GRID1: variants seen among roughly 807,000 people sequenced by gnomAD.
GRID1 encodes the protein glutamate ionotropic receptor delta type subunit 1.
In GRID1, 28 loss-of-function variants were observed where a neutral mutation model predicts 98.0. That is an observed-to-expected ratio of 0.29 (90% CI 0.21 to 0.39). The LOEUF is 0.39. Among genes scored for constraint, GRID1 ranks in the 10% least tolerant of loss-of-function variants. The pLI is 1.00. For missense variants in GRID1, 1,111 were observed against 1,340.5 expected (o/e 0.83, Z 2.67); for synonymous variants, 553 against 538.5 (o/e 1.03, Z -0.37).
At chr10:86,001,854 T>C (rs978563584) in intron 4 of GRID1, among the ~76,000 whole-genome samples, 1 of 152,180 alleles carries the variant, frequency 6.6e-6, no homozygotes, top group African/African-American at 2.4e-5. Context: ...GCTAGAAGTC[T>C]GAAGTCAAGG....
chr10:85,662,145 C>G (rs1207484932), intron 12 of GRID1, among the ~76,000 whole-genome samples: 1 of 152,216 alleles, frequency 6.6e-6, no homozygotes, highest in Non-Finnish European at 1.5e-5. Flanking sequence ...AGTCACTCAG[C>G]AGATGTTGCA....
chr10:86,185,617 C>G (rs1397862656), intron 3 of GRID1, among the ~76,000 whole-genome samples: 1 of 152,032 alleles, frequency 6.6e-6, no homozygotes, highest in African/African-American at 2.4e-5. Context: ...TTATAAATTC[C>G]CTTTATGAAG....
chr10:86,199,902 G>A (rs895130041), intron 3 of GRID1, among the ~76,000 whole-genome samples: 1 of 151,972 alleles, frequency 6.6e-6, no homozygotes, highest in African/African-American at 2.4e-5. Flanking sequence ...TCAAATCTCT[G>A]GATGGGGTAT....
chr10:85,771,868 C>G (rs1211265566), intron 8 of GRID1, among the ~76,000 whole-genome samples: 1 of 152,084 alleles, frequency 6.6e-6, no homozygotes, highest in Non-Finnish European at 1.5e-5. Flanking sequence ...CACACAATAA[C>G]AGTGGGAGAC....
chr10:86,233,195 C>T (rs909495441), intron 2 of GRID1, among the ~76,000 whole-genome samples: 3 of 151,978 alleles, frequency 2.0e-5, no homozygotes, highest in Non-Finnish European at 2.9e-5. Context: ...GAGGGAAAGC[C>T]GTCAGCTGCA....
chr10:85,706,340 C>T (rs979771261), intron 12 of GRID1, among the ~76,000 whole-genome samples: 13 of 152,170 alleles, frequency 8.5e-5, no homozygotes, highest in African/African-American at 2.9e-4. Context: ...AGAGCCAAAT[C>T]ATGAGTGAAC....
intron 5 of GRID1, among the ~76,000 whole-genome samples, chr10:85,881,963 G>T (rs1274219468): frequency 6.6e-6 from 1 of 152,098 alleles, no homozygotes; most frequent in South Asian, 2.1e-4. Context: ...AGTGGGCAAA[G>T]GATATGAACA....
chr10:85,663,463 G>A (rs1471029560), intron 12 of GRID1, among the ~76,000 whole-genome samples: 1 of 152,166 alleles, frequency 6.6e-6, no homozygotes, highest in East Asian at 1.9e-4. Flanking sequence ...TTTGATCTTA[G>A]ACTTTCAGCC....
chr10:85,770,185 G>T (rs1364180366), intron 8 of GRID1, among the ~76,000 whole-genome samples: 1 of 152,200 alleles, frequency 6.6e-6, no homozygotes, highest in Non-Finnish European at 1.5e-5. Flanking sequence ...CTGCTGTTCT[G>T]CAGCCACCGC....
chr10:85,676,451 C>T (rs1841146376), intron 12 of GRID1, among the ~76,000 whole-genome samples: 1 of 152,192 alleles, frequency 6.6e-6, no homozygotes, highest in Non-Finnish European at 1.5e-5. Context: ...AGCACGTTTT[C>T]CCTGCCTCAC....
intron 2 of GRID1, among the ~76,000 whole-genome samples, chr10:86,268,026 A>T (rs1847130221): frequency 6.6e-6 from 1 of 152,132 alleles, no homozygotes. Flanking sequence ...ATGCACAGTC[A>T]TCTTACCCGG....
chr10:85,883,488 C>G (rs1279175606), intron 5 of GRID1, among the ~76,000 whole-genome samples: 14 of 150,370 alleles, frequency 9.3e-5, no homozygotes, highest in African/African-American at 3.2e-4. Context: ...GTCCTTCTCT[C>G]TCTGTCTCTC....
At chr10:85,823,045 C>T (rs184805442) in intron 8 of GRID1, among the ~76,000 whole-genome samples, 9 of 152,048 alleles carry the variant, frequency 5.9e-5, no homozygotes, top group Admixed American at 5.2e-4. Flanking sequence ...TCATGAGTTG[C>T]GGGGAGGGGG....
chr10:85,854,657 G>A, intron 7 of GRID1, 42 bp from the exon 8 acceptor site: 2 of 1,611,458 alleles, frequency 1.2e-6, no homozygotes, highest in Non-Finnish European at 1.7e-6. Context: ...TCTGGTTAAG[G>A]TAGAGGATGG....
chr10:85,879,731 T>C (rs1840969888), intron 5 of GRID1, among the ~76,000 whole-genome samples: 2 of 151,954 alleles, frequency 1.3e-5, no homozygotes, highest in South Asian at 2.1e-4. Context: ...CAAGAGCAAA[T>C]ACATTCAAAA....
chr10:85,974,122 T>A (rs1379729678), intron 4 of GRID1, among the ~76,000 whole-genome samples: 1 of 152,222 alleles, frequency 6.6e-6, no homozygotes, highest in Non-Finnish European at 1.5e-5. Context: ...GGAAAGTCTA[T>A]GCTCAGAACT....
chr10:86,006,416 C>T (rs1420497097), intron 4 of GRID1, among the ~76,000 whole-genome samples: 2 of 152,232 alleles, frequency 1.3e-5, no homozygotes, highest in South Asian at 2.1e-4. Context: ...GTCAAGAGAT[C>T]GAGACCATTC....
chr10:86,294,353 T>C (rs188726404), intron 2 of GRID1, among the ~76,000 whole-genome samples: 9 of 152,282 alleles, frequency 5.9e-5, no homozygotes, highest in African/African-American at 2.2e-4. Context: ...GTTGGGAGCT[T>C]TGATCTGAGT....
chr10:86,110,701 G>A (rs1037376676), intron 4 of GRID1, among the ~76,000 whole-genome samples: 2 of 152,200 alleles, frequency 1.3e-5, no homozygotes, highest in Non-Finnish European at 2.9e-5. Flanking sequence ...CTAGCCCACA[G>A]CTTTCATCCT....
Sources: gnomAD v4.1 joint callset for allele counts (sites outside exome capture counted in the v4.1 genomes callset) on GRCh38, gnomAD v4.1.1 for gene constraint, MANE v1.5 for transcripts, NCBI Gene and HGNC (gene_info 2026-07-23, HGNC 2026-07-21) for gene names.